Variants in PACRG observed in about 807,000 individuals in gnomAD.
PACRG encodes the protein parkin coregulated.
In PACRG, 29 loss-of-function variants were observed where a neutral mutation model predicts 29.7. The ratio of observed to expected loss-of-function variants is 0.98; its 90% CI spans 0.73 to 1.33. PACRG has a LOEUF of 1.33. Ranked by LOEUF, PACRG falls within the 40% of genes most tolerant of loss-of-function variation. PACRG has a pLI of 0.00. For synonymous variants in PACRG, 116 were observed against 118.7 expected (o/e 0.98, Z 0.15); for missense variants, 279 against 316.2 (o/e 0.88, Z 0.89).
At chr6:162,791,319 T>G (rs940317944) in intron 1 of PACRG, among the ~76,000 whole-genome samples, 2 of 151,316 alleles carry the variant, frequency 1.3e-5, no homozygotes, top group African/African-American at 2.4e-5. Context: ...TTGTTTTTTT[T>G]TTTTTTGCTT....
intron 4 of PACRG, among the ~76,000 whole-genome samples, chr6:163,100,200 C>G (rs1254471886): frequency 6.6e-6 from 1 of 152,072 alleles, no homozygotes; most frequent in African/African-American, 2.4e-5. Context: ...GCCTCCACGG[C>G]CCTGCAGCTG....
chr6:163,168,902 A>T (rs1055086682), intron 4 of PACRG, among the ~76,000 whole-genome samples: 6 of 151,520 alleles, frequency 4.0e-5, no homozygotes, highest in African/African-American at 1.5e-4. Context: ...TCAGTCTGAA[A>T]GTTTGAAAGT....
chr6:162,740,906 T>C (rs1780542874), intron 1 of PACRG, among the ~76,000 whole-genome samples: 1 of 152,116 alleles, frequency 6.6e-6, no homozygotes, highest in African/African-American at 2.4e-5. Context: ...GCCATTTCAA[T>C]TTTTTATATT....
At chr6:162,929,653 A>G (rs542122716) in intron 2 of PACRG, among the ~76,000 whole-genome samples, 72 of 152,062 alleles carry the variant, frequency 4.7e-4, no homozygotes, top group Non-Finnish European at 9.1e-4. Flanking sequence ...ATGCTTACCT[A>G]GACTCATGTC....
chr6:162,761,087 TC>T (rs1782322187), intron 1 of PACRG, among the ~76,000 whole-genome samples: 1 of 152,146 alleles, frequency 6.6e-6, no homozygotes, highest in African/African-American at 2.4e-5. Context: ...GGGCCCAGTG[TC>T]CTCATGGTGG....
chr6:163,098,230 C>T (rs1814776317), intron 4 of PACRG, among the ~76,000 whole-genome samples: 1 of 152,142 alleles, frequency 6.6e-6, no homozygotes, highest in Non-Finnish European at 1.5e-5. Context: ...GAAACAGCAG[C>T]TCAGGATGGA....
intron 4 of PACRG, among the ~76,000 whole-genome samples, chr6:163,276,316 C>T (rs1784024654): frequency 6.6e-6 from 1 of 152,194 alleles, no homozygotes; most frequent in Admixed American, 6.5e-5. Context: ...GCATGAGCCA[C>T]TGAGCCTGGC....
At chr6:163,209,455 C>T (rs1781045834) in intron 4 of PACRG, among the ~76,000 whole-genome samples, 1 of 152,166 alleles carries the variant, frequency 6.6e-6, no homozygotes, top group Non-Finnish European at 1.5e-5. Context: ...AAGAAAACTA[C>T]ATTGAGTGGT....
chr6:163,301,629 A>G (rs1785005822), intron 4 of PACRG, among the ~76,000 whole-genome samples: 1 of 152,148 alleles, frequency 6.6e-6, no homozygotes, highest in African/African-American at 2.4e-5. Context: ...GAGTAAACTC[A>G]TTTTATTAAA....
At chr6:162,736,259 A>G (rs1780156204) in intron 1 of PACRG, among the ~76,000 whole-genome samples, 1 of 152,246 alleles carries the variant, frequency 6.6e-6, no homozygotes, top group Non-Finnish European at 1.5e-5. Flanking sequence ...AGCTAAGTAC[A>G]CGTTATTAAA....
chr6:162,737,741 A>C (rs1037208876), intron 1 of PACRG, among the ~76,000 whole-genome samples: 2 of 152,130 alleles, frequency 1.3e-5, no homozygotes, highest in Non-Finnish European at 2.9e-5. Context: ...ATAAGATGTA[A>C]AGTCGAACAT....
chr6:162,878,099 A>G (rs1487184983), intron 2 of PACRG, among the ~76,000 whole-genome samples: 1 of 152,226 alleles, frequency 6.6e-6, no homozygotes, highest in Non-Finnish European at 1.5e-5. Flanking sequence ...TTAGTAGATT[A>G]AAATTCTGAG....
intron 2 of PACRG, among the ~76,000 whole-genome samples, chr6:162,935,557 A>G (rs527478956): frequency 1.3e-5 from 2 of 150,608 alleles, no homozygotes; most frequent in East Asian, 2.0e-4. Context: ...TGGTTCTTTT[A>G]TATGCTATTT....
intron 4 of PACRG, among the ~76,000 whole-genome samples, chr6:163,102,139 C>G (rs1815129878): frequency 6.6e-6 from 1 of 152,152 alleles, no homozygotes; most frequent in Non-Finnish European, 1.5e-5. Flanking sequence ...CGTCGGGAAA[C>G]AAGCAGGTCT....
intron 2 of PACRG, among the ~76,000 whole-genome samples, chr6:163,052,583 C>A (rs1037019514): frequency 2.6e-5 from 4 of 152,102 alleles, no homozygotes; most frequent in African/African-American, 9.7e-5. Context: ...TGCTATTCTT[C>A]TGATAGTGAG....
At chr6:162,778,490 C>T (rs1005230335) in intron 1 of PACRG, among the ~76,000 whole-genome samples, 3 of 152,088 alleles carry the variant, frequency 2.0e-5, no homozygotes, top group Non-Finnish European at 2.9e-5. Flanking sequence ...ATTTTATTTA[C>T]ACATATTTTA....
chr6:163,040,285 C>A (rs570088346), intron 2 of PACRG, among the ~76,000 whole-genome samples: 41 of 151,412 alleles, frequency 2.7e-4, no homozygotes, highest in Non-Finnish European at 4.4e-4. Context: ...GGAGCCTCTG[C>A]CTAGATTTCA....
chr6:163,292,222 G>A (rs1784633296), intron 4 of PACRG, among the ~76,000 whole-genome samples: 1 of 152,164 alleles, frequency 6.6e-6, no homozygotes, highest in Admixed American at 6.5e-5. Context: ...GGGGCTGGGG[G>A]ATAGGATGGG....
In PACRG at chr6:163,269,850, A is replaced by G. The variant is rs1183649627; in HGVS notation, c.614-44977A>G. Among the ~76,000 whole-genome samples, 122 of 72,760 alleles carry G rather than the reference A, an allele frequency of 1.7e-3. 10 individuals carry two copies. The highest frequency in any genetic ancestry group is 7.1e-3 in the African/African-American group (115 of 16,098). 47.7% of individuals were successfully genotyped at this position (72,760 alleles called of 152,430 possible). A position where few individuals can be genotyped will look rare whatever the true frequency, so the allele number is the denominator to read the frequency against. On this transcript the variant is annotated intron_variant, in intron 4 of 4. Coordinates refer to ENST00000366888, the MANE Select transcript of PACRG (RefSeq NM_001080379.2). ...AAGAAAGAAAGAAAAAGAAAGAAAG[A>G]AAGAAAGAGAAAGAAAGAGAAAGAA...
Sources: gnomAD v4.1 joint callset for allele counts (sites outside exome capture counted in the v4.1 genomes callset) on GRCh38, gnomAD v4.1.1 for gene constraint, MANE v1.5 for transcripts, NCBI Gene and HGNC (gene_info 2026-07-23, HGNC 2026-07-21) for gene names.